FGL1: variants seen among roughly 807,000 people sequenced by gnomAD.
FGL1 encodes fibrinogen-like protein 1.
A neutral mutation model predicts 43.7 loss-of-function variants in FGL1; 59 were observed. The ratio of observed to expected loss-of-function variants is 1.35; its 90% CI spans 1.10 to 1.68. The LOEUF (loss-of-function observed/expected upper bound fraction) is 1.68, where lower values mean the gene tolerates loss of function less well. Ranked by LOEUF, FGL1 falls within the 40% of genes most tolerant of loss-of-function variation. The probability of loss-of-function intolerance (pLI) is 0.00; values close to 1 mark genes in which losing one functional copy is unlikely to be tolerated. For synonymous variants in FGL1, 192 were observed against 126.5 expected (o/e 1.52, Z -3.48); for missense variants, 596 against 373.0 (o/e 1.60, Z -4.92).
intron 1 of FGL1, chr8:17,891,887 G>T: frequency 3.3e-6 from 2 of 598,928 alleles, no homozygotes; most frequent in Non-Finnish European, 4.2e-6. Context: ...AATATGTCAT[G>T]TCAATATGTA....
intron 1 of FGL1, among the ~76,000 whole-genome samples, chr8:17,893,045 A>G (rs2053727658): frequency 6.6e-6 from 1 of 152,130 alleles, no homozygotes; most frequent in African/African-American, 2.4e-5. Context: ...CTAAAAATAC[A>G]AAGAAATTAG....
chr8:17,868,829 G>A, intron 6 of FGL1, 87 bp downstream of exon 6: 3 of 1,469,106 alleles, frequency 2.0e-6, no homozygotes, highest in South Asian at 1.3e-5. Flanking sequence ...AGGTTCTATT[G>A]TATATTTTTA....
At chr8:17,879,755 C>T (rs2053507381) in intron 3 of FGL1, among the ~76,000 whole-genome samples, 2 of 151,738 alleles carry the variant, frequency 1.3e-5, no homozygotes, top group African/African-American at 4.9e-5. Context: ...GACCCAGCCT[C>T]ATTCATTTCG....
At chr8:17,877,165 C>T (rs1008784318) in intron 3 of FGL1, among the ~76,000 whole-genome samples, 1 of 151,630 alleles carries the variant, frequency 6.6e-6, no homozygotes, top group Non-Finnish European at 1.5e-5. Flanking sequence ...AATGTTCTGA[C>T]CCACTCAACT....
Position 17,874,362 on chromosome 8 carries a change from C to T in FGL1, c.404G>A (p.Arg135Lys). 6.2e-7 allele frequency: 1 copy of T among 1,611,830 alleles called. No homozygotes were observed. The highest frequency in any genetic ancestry group is 8.5e-7 in the Non-Finnish European group (1 of 1,179,256). ...RRSDGSENFN[R>K]GWKDYENGFG... ...AAGTCTTACATCATAATTAGCACAC[C>T]TGTTAAAGTTTTCACTGCCATCAGA... The change falls in exon 4 of 8, where the codon AGA becomes AAA. Residue 135 changes from arginine to lysine, a missense_variant and splice_region_variant. Coordinates refer to ENST00000427924, the MANE Select transcript of FGL1 (RefSeq NM_004467.4).
At chr8:17,882,687 A>C (rs1265574811) in intron 2 of FGL1, 2 of 143,256 alleles carry the variant, frequency 1.4e-5, no homozygotes, top group Non-Finnish European at 3.0e-5. Flanking sequence ...ACTTTTAAAT[A>C]TGTATATTTA....
Position 17,882,740 on chromosome 8 carries a change from AT to A in FGL1, c.64-562del, listed in dbSNP as rs1338637492. ...TATATATTATATATGCATATAAATAATATATAATATATATAATATATAATAT... is the reference window on the plus strand; with the variant it reads ...TATATATTATATATGCATATAAATAAATATAATATATATAATATATAATAT... On this transcript the variant is annotated intron_variant, in intron 2 of 7. Transcript: ENST00000427924. The A allele has an allele frequency of 1.9e-4, 25 of 134,828 alleles. 1 individual carries two copies. In the South Asian group the frequency reaches 5.3e-3, roughly 29 times the overall value. 8.4% of individuals were successfully genotyped at this position (134,828 alleles called of 1,614,324 possible).
chr8:17,865,166 T>C (rs2053252158), intron 7 of FGL1, among the ~76,000 whole-genome samples: 1 of 152,090 alleles, frequency 6.6e-6, no homozygotes, highest in African/African-American at 2.4e-5. Flanking sequence ...CACAGTGCAT[T>C]GAAAAATAAG....
At chr8:17,874,296 A>C (rs2053409958) in intron 4 of FGL1, 66 bp downstream of exon 4, 4 of 1,541,966 alleles carry the variant, frequency 2.6e-6, no homozygotes, top group Non-Finnish European at 3.5e-6. Context: ...GATATGATCA[A>C]AATATTTGAC....
intron 3 of FGL1, among the ~76,000 whole-genome samples, chr8:17,881,138 A>ATTTTTTTTTTTTTTTTTTTTTTTTTTT (rs34570292): frequency 7.0e-6 from 1 of 142,932 alleles, no homozygotes; most frequent in African/African-American, 2.7e-5. Flanking sequence ...GTGTACACGG[A>ATTTTTTTTTTTTTTTTTTTTTTTTTTT]TTTTTTTTTT....
In FGL1 at chr8:17,894,919, A is replaced by T. The variant is rs34823511; in HGVS notation, c.-18+528T>A. Among the ~76,000 whole-genome samples the T allele has an allele frequency of 3.3e-3, 489 of 146,364 alleles. 46 individuals are homozygous for T. The highest frequency in any genetic ancestry group is 0.012 in the African/African-American group (472 of 37,896). On this transcript the variant is annotated intron_variant, in intron 1 of 7. Coordinates refer to ENST00000427924, the MANE Select transcript of FGL1 (RefSeq NM_004467.4). ...TGTATATATTATAGATTATATATAC[A>T]TTATATAAGGTATATAAATATTGCT...
chr8:17,882,912 TATATA>T (rs1183003196), intron 2 of FGL1, among the ~76,000 whole-genome samples: 1 of 100,388 alleles, frequency 1.0e-5, no homozygotes, highest in East Asian at 2.6e-4. Flanking sequence ...TATTAAATAA[TATATA>T]ATATATCTCA....
intron 1 of FGL1, among the ~76,000 whole-genome samples, chr8:17,892,623 T>C (rs2053720295): frequency 6.6e-6 from 1 of 152,186 alleles, no homozygotes; most frequent in Non-Finnish European, 1.5e-5. Flanking sequence ...CCAATGTATT[T>C]AATAGATTAC....
chr8:17,876,967 A>ACAAC (rs918991475), intron 3 of FGL1, among the ~76,000 whole-genome samples: 7 of 152,224 alleles, frequency 4.6e-5, no homozygotes, highest in Admixed American at 2.6e-4. Context: ...AAACAGTAAC[A>ACAAC]CAACAACAAA....
At chr8:17,878,957 TTGAG>T (rs34580771) in intron 3 of FGL1, among the ~76,000 whole-genome samples, 108,468 of 149,866 alleles carry the variant, frequency 0.72, 39,786 homozygotes, top group Non-Finnish European at 0.79. Context: ...ATTTTATTTA[TTGAG>T]TATCTGTTCT....
intron 5 of FGL1, among the ~76,000 whole-genome samples, chr8:17,871,516 C>G (rs2053360660): frequency 6.8e-6 from 1 of 147,240 alleles, no homozygotes; most frequent in Non-Finnish European, 1.5e-5. Flanking sequence ...AAAAAAAAAA[C>G]TTCTATTATA....
At chr8:17,872,730 G>T (rs1038598475) in intron 5 of FGL1, among the ~76,000 whole-genome samples, 1 of 152,160 alleles carries the variant, frequency 6.6e-6, no homozygotes, top group African/African-American at 2.4e-5. Context: ...ACAGAGGTAG[G>T]GAAGACAATG....
chr8:17,866,148 G>A (rs936821690), intron 7 of FGL1, among the ~76,000 whole-genome samples: 1 of 152,154 alleles, frequency 6.6e-6, no homozygotes, highest in Admixed American at 6.6e-5. Flanking sequence ...TTAGGAAACT[G>A]ACTCTGTGAT....
Position 17,869,826 on chromosome 8 carries a change from T to G in FGL1, c.503-822A>C, listed in dbSNP as rs373678851. ...ATGTGAAAGCATTTTAAGAATGCAATGGGGCCGGGGCGGTGGCTCACGCCT... is the reference window on the plus strand; with the variant it reads ...ATGTGAAAGCATTTTAAGAATGCAAGGGGGCCGGGGCGGTGGCTCACGCCT... On this transcript the variant is annotated intron_variant, in intron 5 of 7. Coordinates refer to ENST00000427924, the MANE Select transcript of FGL1 (RefSeq NM_004467.4). 1.2e-3 allele frequency among the ~76,000 whole-genome samples: 178 copies of G among 152,252 alleles called. 2 individuals are homozygous for G. The highest frequency in any genetic ancestry group is 4.1e-3 in the African/African-American group (170 of 41,560).
Sources: allele counts gnomAD v4.1 joint callset (sites outside exome capture counted in the v4.1 genomes callset), GRCh38; gene constraint gnomAD v4.1.1; transcripts MANE v1.5; gene names NCBI Gene and HGNC (gene_info 2026-07-23, HGNC 2026-07-21).